EDARADD: variants seen among roughly 807,000 people sequenced by gnomAD.
EDARADD encodes the protein ectodysplasin-A receptor-associated adapter protein.
A neutral mutation model predicts 25.6 loss-of-function variants in EDARADD; 20 were observed. The ratio of observed to expected loss-of-function variants is 0.78; its 90% CI spans 0.55 to 1.14. EDARADD has a LOEUF of 1.14. EDARADD is among the 50% of genes most tolerant of loss of function. The probability of loss-of-function intolerance (pLI) is 0.00; values close to 1 mark genes in which losing one functional copy is unlikely to be tolerated. For synonymous variants in EDARADD, 86 were observed against 94.4 expected (o/e 0.91, Z 0.52); for missense variants, 225 against 270.1 (o/e 0.83, Z 1.17).
chr1:236,423,965 G>A (rs976888073), intron 3 of EDARADD, among the ~76,000 whole-genome samples: 5 of 151,930 alleles, frequency 3.3e-5, no homozygotes, highest in Admixed American at 6.6e-5. Flanking sequence ...AATTAGCCGG[G>A]CGTGGTGGTC....
intron 1 of EDARADD, among the ~76,000 whole-genome samples, chr1:236,401,509 A>C (rs544747540): frequency 1.3e-5 from 2 of 152,274 alleles, no homozygotes; most frequent in African/African-American, 4.8e-5. Flanking sequence ...TGTGCTGAGG[A>C]TTCTTTCTGG....
chr1:236,467,941 G>A (rs1308751606), intron 4 of EDARADD, among the ~76,000 whole-genome samples: 1 of 152,028 alleles, frequency 6.6e-6, no homozygotes, highest in Non-Finnish European at 1.5e-5. Context: ...TTAAAAATAG[G>A]GACATTAGTG....
At chr1:236,424,300 G>A (rs967605489) in intron 3 of EDARADD, among the ~76,000 whole-genome samples, 1 of 151,478 alleles carries the variant, frequency 6.6e-6, no homozygotes, top group South Asian at 2.1e-4. Flanking sequence ...TAGCTGGGAC[G>A]ATAGGCATGT....
intron 2 of EDARADD, among the ~76,000 whole-genome samples, chr1:236,413,231 A>G (rs1558115813): frequency 6.6e-6 from 1 of 152,226 alleles, no homozygotes; most frequent in Non-Finnish European, 1.5e-5. Context: ...GAGTAGAATG[A>G]TGAGAACTAA....
intron 3 of EDARADD, among the ~76,000 whole-genome samples, chr1:236,357,209 G>A (rs1333954348): frequency 2.0e-5 from 3 of 152,146 alleles, no homozygotes; most frequent in Admixed American, 1.3e-4. Flanking sequence ...AATGCAGAAA[G>A]CACTTCTGCT....
At chr1:236,394,280 G>A (rs1031495823), upstream of EDARADD, 12 of 727,114 alleles carry the variant, frequency 1.7e-5, no homozygotes, top group Non-Finnish European at 2.3e-5. Flanking sequence ...CTTCCTATCC[G>A]AAGGCAGACC....
Position 236,484,120 on chromosome 1 carries a change from A to G in EDARADD, c.*1471A>G. ...GCAGGAATCCAGGTAGTGGAGGATG[A>G]TCTCAGAGTGACCAACCCAAAGAGG... On this transcript the variant is annotated 3_prime_UTR_variant, in exon 6 of 6. Coordinates refer to ENST00000334232, the MANE Select transcript of EDARADD (RefSeq NM_145861.4). The surrounding 1 kb of genome is among the most constrained non-coding windows in gnomAD (Gnocchi z 4.1). 6.5e-7 allele frequency: 1 copy of G among 1,539,624 alleles called. No individual in the cohort carries two copies. Among genetic ancestry groups the G allele is most frequent in the Non-Finnish European group, 9.0e-7 (1 of 1,113,450 alleles).
intron 3 of EDARADD, among the ~76,000 whole-genome samples, chr1:236,367,512 G>A (rs2102992779): frequency 6.6e-6 from 1 of 152,058 alleles, no homozygotes; most frequent in Admixed American, 6.6e-5. Flanking sequence ...TACAGGCATG[G>A]GCCACCGCAC....
chr1:236,469,617 G>C (rs1279956744), intron 5 of EDARADD, among the ~76,000 whole-genome samples: 1 of 152,086 alleles, frequency 6.6e-6, no homozygotes, highest in Admixed American at 6.6e-5. Context: ...GGAACCCGTA[G>C]AGCCCTCAGG....
At chr1:236,433,377 G>A (rs1658159215) in intron 4 of EDARADD, among the ~76,000 whole-genome samples, 1 of 151,834 alleles carries the variant, frequency 6.6e-6, no homozygotes, top group South Asian at 2.1e-4. Flanking sequence ...TGGCCAACAT[G>A]GGGAAACAGA....
intron 5 of EDARADD, among the ~76,000 whole-genome samples, chr1:236,478,732 G>A (rs1571960615): frequency 2.0e-5 from 3 of 152,140 alleles, no homozygotes; most frequent in South Asian, 2.1e-4. Context: ...GACTGCAGGC[G>A]CCCGCCATCA....
In EDARADD at chr1:236,475,055, C is replaced by T. The variant is rs1571958103; in HGVS notation, c.265+6779C>T. 3.3e-5 allele frequency among the ~76,000 whole-genome samples: 5 copies of T among 152,144 alleles called. No individual in the cohort carries two copies. The South Asian group carries it at 1.0e-3, about 32-fold the overall frequency. ...GGGTGAGGCAGGAGAATCGCTTGAACCTGGGAGGCAGAGGTTGCAGTGAGC... is the reference window on the plus strand; with the variant it reads ...GGGTGAGGCAGGAGAATCGCTTGAATCTGGGAGGCAGAGGTTGCAGTGAGC... On this transcript the variant is annotated intron_variant, in intron 5 of 5. Transcript: ENST00000334232.
In EDARADD at chr1:236,363,030, T is replaced by TATATATATATAAAA. The variant is rs796610771; in HGVS notation, c.-6+12194_-6+12195insTATATATAAAAATA. Among the ~76,000 whole-genome samples, 19 of 101,952 alleles carry TATATATATATAAAA rather than the reference T, an allele frequency of 1.9e-4. No individual in the cohort carries two copies. In the South Asian group the frequency reaches 2.5e-3, roughly 13 times the overall value. The allele number at this position is 101,952 out of a possible 152,430, so 66.9% of individuals were successfully genotyped here. On this transcript the variant is annotated intron_variant, in intron 3 of 7. Transcript: ENST00000439430. ...AAATATATATATATATATATATATA[T>TATATATATATAAAA]ATAAAATTTGTGTACAGACAGAGTC...
At chr1:236,409,183 C>G (rs757403340) in intron 1 of EDARADD, 33 bp from the exon 2 acceptor site, 2 of 1,569,988 alleles carry the variant, frequency 1.3e-6, no homozygotes, top group Non-Finnish European at 1.7e-6. Context: ...AAAGCAAACC[C>G]GCTCTATTTG....
chr1:236,449,450 C>T (rs1658649671), intron 4 of EDARADD, among the ~76,000 whole-genome samples: 1 of 152,172 alleles, frequency 6.6e-6, no homozygotes, highest in Non-Finnish European at 1.5e-5. Flanking sequence ...TGGATGAATA[C>T]ATAAGTCTTA....
At position 236,412,425 on chromosome 1, in the gene EDARADD, A is replaced by G. The variant is rs191863363; in HGVS notation, c.121-1835A>G. On this transcript the variant is annotated intron_variant, in intron 2 of 5. Transcript: ENST00000334232. ...ATCTTCCCTCATGCAAAGTCAGTGC[A>G]AGGCAGGTAGCAAGTTTCCCGAGAA... Among the ~76,000 whole-genome samples, 14 of 152,296 alleles carry G rather than the reference A, an allele frequency of 9.2e-5. No homozygotes were observed. The East Asian group carries it at 2.5e-3, about 27-fold the overall frequency.
intron 4 of EDARADD, among the ~76,000 whole-genome samples, chr1:236,460,820 GT>G (rs35583604): frequency 6.8e-5 from 10 of 147,734 alleles, no homozygotes; most frequent in African/African-American, 9.9e-5. Flanking sequence ...GTTTTGTGGG[GT>G]TTTTTTTTTG....
At chr1:236,391,443 A>G (rs1667424986), upstream of EDARADD, among the ~76,000 whole-genome samples, 1 of 152,196 alleles carries the variant, frequency 6.6e-6, no homozygotes, top group South Asian at 2.1e-4. Context: ...TCCATCACAT[A>G]TGATTCACTA....
chr1:236,474,016 G>A (rs1475418644), intron 5 of EDARADD, among the ~76,000 whole-genome samples: 1 of 152,138 alleles, frequency 6.6e-6, no homozygotes, highest in African/African-American at 2.4e-5. Flanking sequence ...TTTAGTCCAA[G>A]CGATACAGGA....
Sources: allele counts gnomAD v4.1 joint callset (sites outside exome capture counted in the v4.1 genomes callset), GRCh38; gene constraint gnomAD v4.1.1; non-coding constraint Gnocchi (gnomAD v3.1); transcripts MANE v1.5; gene names NCBI Gene and HGNC (gene_info 2026-07-23, HGNC 2026-07-21).